Variants in ZNF600 observed in about 807,000 individuals in gnomAD.
ZNF600 encodes zinc finger protein 600.
A neutral mutation model predicts 7.3 loss-of-function variants in ZNF600; 4 were observed. The ratio of observed to expected loss-of-function variants is 0.55; its 90% CI spans 0.27 to 1.25. ZNF600 has a LOEUF of 1.25. Among genes scored for constraint, ZNF600 ranks in the 50% most tolerant of loss-of-function variants. The pLI is 0.12. For synonymous variants in ZNF600, 290 were observed against 308.9 expected (o/e 0.94, Z 0.64); for missense variants, 911 against 922.1 (o/e 0.99, Z 0.16).
chr19:52,788,717 C>G (rs930274438), upstream of ZNF600, among the ~76,000 whole-genome samples: 45 of 152,310 alleles, frequency 3.0e-4, no homozygotes, highest in African/African-American at 7.2e-4. Context: ...AGCCCCCTCA[C>G]CTCCCTGTGG....
chr19:52,782,177 G>A lies in ZNF600; in HGVS notation c.-19-3270C>T, dbSNP rs539142296. Among the ~76,000 whole-genome samples, 4 of 152,172 alleles carry A rather than the reference G, an allele frequency of 2.6e-5. No homozygotes were observed. The East Asian group carries it at 7.7e-4, about 29-fold the overall frequency. ...CAGGAGGTTGCCGCTGCACTGAGCT[G>A]TGATCCTGCCACTGCACTCCAGCCT... On this transcript the variant is annotated intron_variant, in intron 1 of 3. Coordinates refer to ENST00000648973, the Ensembl canonical transcript of ZNF600.
chr19:52,812,762 T>TAAAA, the ZNF600 span, among the ~76,000 whole-genome samples: 485 of 75,286 alleles, frequency 6.4e-3, 10 homozygotes, highest in African/African-American at 0.017. Flanking sequence ...GAATGATCAA[T>TAAAA]AAAAAAAAAA....
chr19:52,824,745 C>CA, the ZNF600 span, among the ~76,000 whole-genome samples: 55 of 152,178 alleles, frequency 3.6e-4, no homozygotes, highest in East Asian at 4.8e-3. Context: ...TGAAGTCAGA[C>CA]ACCAAAAACC....
chr19:52,772,646 A>G (rs1289047586), intron 3 of ZNF600, among the ~76,000 whole-genome samples: 2 of 152,120 alleles, frequency 1.3e-5, no homozygotes, highest in Non-Finnish European at 2.9e-5. Context: ...CCTGGAGGCA[A>G]ATTAACATTA....
the ZNF600 span, chr19:52,798,486 GGACTGAA>G: frequency 2.0e-6 from 1 of 493,366 alleles, no homozygotes; most frequent in Non-Finnish European, 4.1e-6. Flanking sequence ...GAGTGATCTC[GGACTGAA>G]GACCTTACCA....
At chr19:52,828,196 C>T in the ZNF600 span, among the ~76,000 whole-genome samples, 1,742 of 152,076 alleles carry the variant, frequency 0.011, 59 homozygotes, top group African/African-American at 0.04. Context: ...GGATTACAGG[C>T]ATGCTCCACC....
the ZNF600 span, chr19:52,798,776 C>A: frequency 1.5e-6 from 1 of 682,536 alleles, no homozygotes; most frequent in South Asian, 1.4e-5. Flanking sequence ...CTTGTAAGAT[C>A]TCTCATTATG....
chr19:52,820,108 C>CT, the ZNF600 span, among the ~76,000 whole-genome samples: 6,290 of 120,282 alleles, frequency 0.052, 706 homozygotes, highest in African/African-American at 0.1. Context: ...TATTTAACCT[C>CT]TTTTTTTTTT....
chr19:52,826,629 C>T, the ZNF600 span, among the ~76,000 whole-genome samples: 15 of 152,056 alleles, frequency 9.9e-5, no homozygotes, highest in African/African-American at 3.4e-4. Context: ...TTGCTTGAAC[C>T]CGGGAGGCAG....
the ZNF600 span, among the ~76,000 whole-genome samples, chr19:52,802,114 T>C: frequency 6.6e-6 from 1 of 152,236 alleles, no homozygotes; most frequent in African/African-American, 2.4e-5. Flanking sequence ...TATACTATAT[T>C]GGTAAATAAT....
chr19:52,817,184 T>C, the ZNF600 span, among the ~76,000 whole-genome samples: 3 of 151,952 alleles, frequency 2.0e-5, no homozygotes, highest in Non-Finnish European at 4.4e-5. Flanking sequence ...ACCAGCCTGA[T>C]CAACATGGAG....
chr19:52,824,370 C>T, the ZNF600 span, among the ~76,000 whole-genome samples: 1 of 152,160 alleles, frequency 6.6e-6, no homozygotes, highest in African/African-American at 2.4e-5. Context: ...CGCGGTGGCT[C>T]ATGCCTGCAA....
chr19:52,780,314 G>C (rs1244884747), intron 1 of ZNF600, among the ~76,000 whole-genome samples: 1 of 152,164 alleles, frequency 6.6e-6, no homozygotes, highest in East Asian at 1.9e-4. Context: ...AGATCACAAA[G>C]GAAACCCGGA....
exon 4 of ZNF600, chr19:52,765,850 T>C (rs1377602167): frequency 6.2e-7 from 1 of 1,614,012 alleles, no homozygotes; most frequent in Non-Finnish European, 8.5e-7. Context: ...TTGTAAAGTT[T>C]CTCCCCAGCA....
chr19:52,778,869 G>T, exon 2 of ZNF600: 1 of 1,606,640 alleles, frequency 6.2e-7, no homozygotes. Flanking sequence ...CCTCTTCTGA[G>T]CTGCTTCTTC....
At chr19:52,764,305 G>C (rs2062551513), downstream of ZNF600, 2 of 151,998 alleles carry the variant, frequency 1.3e-5, no homozygotes, top group African/African-American at 4.8e-5. Context: ...CTACCTCCCA[G>C]GTTTAAGCGA....
chr19:52,779,570 G>A (rs13346848), intron 1 of ZNF600, among the ~76,000 whole-genome samples: 5,357 of 152,232 alleles, frequency 0.035, 189 homozygotes, highest in African/African-American at 0.088. Flanking sequence ...GACCAGAGGT[G>A]GGGTGAATGA....
the ZNF600 span, chr19:52,800,548 G>A: frequency 1.9e-6 from 3 of 1,613,176 alleles, no homozygotes; most frequent in African/African-American, 1.3e-5. Flanking sequence ...TCTCCAGTGT[G>A]AATTATACTA....
chr19:52,787,427 G>A (rs1415614272), upstream of ZNF600, among the ~76,000 whole-genome samples: 2 of 118,354 alleles, frequency 1.7e-5, no homozygotes, highest in African/African-American at 3.3e-5. Context: ...TTTTTTTTGA[G>A]ACGGAGTCTC....
Sources: allele counts gnomAD v4.1 joint callset (sites outside exome capture counted in the v4.1 genomes callset), GRCh38; gene constraint gnomAD v4.1.1; transcripts MANE v1.5; gene names NCBI Gene and HGNC (gene_info 2026-07-23, HGNC 2026-07-21).